Variants in ZNG1B observed in about 807,000 individuals in gnomAD.
ZNG1B encodes the protein Zn regulated GTPase metalloprotein activator 1B.
the ZNG1B span, among the ~76,000 whole-genome samples, chr2:113,463,966 A>C: frequency 6.6e-6 from 1 of 152,204 alleles, no homozygotes; most frequent in Non-Finnish European, 1.5e-5. Context: ...TTCTCTTCAT[A>C]AATCTTGTGT....
chr2:113,487,024 GC>G, the ZNG1B span, among the ~76,000 whole-genome samples: 1 of 147,672 alleles, frequency 6.8e-6, no homozygotes, highest in African/African-American at 2.5e-5. Flanking sequence ...ATTACCTTAT[GC>G]TATAAAAATA....
chr2:113,482,879 CCTCT>C, the ZNG1B span, among the ~76,000 whole-genome samples: 2 of 109,234 alleles, frequency 1.8e-5, no homozygotes, highest in South Asian at 7.3e-4. Flanking sequence ...AATCTTCCTT[CCTCT>C]CTCTCAAGTG....
At chr2:113,451,798 TAA>T in the ZNG1B span, among the ~76,000 whole-genome samples, 64 of 151,418 alleles carry the variant, frequency 4.2e-4, no homozygotes, top group East Asian at 2.3e-3. Flanking sequence ...CATTTCAACT[TAA>T]GAGGCAAATA....
At chr2:113,462,295 C>A in the ZNG1B span, 3 of 1,126,656 alleles carry the variant, frequency 2.7e-6, no homozygotes. Context: ...TATTGATCTA[C>A]ATGAGGCGTT....
At chr2:113,440,637 G>GTT in the ZNG1B span, among the ~76,000 whole-genome samples, 1 of 151,496 alleles carries the variant, frequency 6.6e-6, no homozygotes, top group Non-Finnish European at 1.5e-5. Flanking sequence ...AAAACTTAAT[G>GTT]TATTTCAGAA....
At chr2:113,484,653 TG>T in the ZNG1B span, among the ~76,000 whole-genome samples, 2 of 151,820 alleles carry the variant, frequency 1.3e-5, no homozygotes, top group African/African-American at 4.8e-5. Context: ...TTTTTGTTTT[TG>T]TTTTTTTGGT....
chr2:113,483,771 C>T, the ZNG1B span, among the ~76,000 whole-genome samples: 1 of 151,946 alleles, frequency 6.6e-6, no homozygotes, highest in African/African-American at 2.4e-5. Flanking sequence ...AAATTTCAAA[C>T]GTGCGTAAGA....
At chr2:113,462,560 C>T in the ZNG1B span, 1 of 1,543,716 alleles carries the variant, frequency 6.5e-7, no homozygotes, top group Non-Finnish European at 8.8e-7. Context: ...ATTTTTTACT[C>T]TGATTGTTGC....
chr2:113,446,432 G>A, the ZNG1B span, among the ~76,000 whole-genome samples: 3 of 152,194 alleles, frequency 2.0e-5, no homozygotes, highest in East Asian at 5.8e-4. Flanking sequence ...AAGTTGAAAA[G>A]TAATCATCTC....
the ZNG1B span, among the ~76,000 whole-genome samples, chr2:113,473,176 T>TAGTTCTCCTTGAAG: frequency 6.6e-6 from 1 of 151,868 alleles, no homozygotes; most frequent in South Asian, 2.1e-4. Context: ...CAGTGGTTTG[T>TAGTTCTCCTTGAAG]AGTTCTCCTT....
chr2:113,472,129 A>C, the ZNG1B span, among the ~76,000 whole-genome samples: 1 of 149,458 alleles, frequency 6.7e-6, no homozygotes, highest in South Asian at 2.1e-4. Context: ...ATTTCTCCAC[A>C]TCCTCTCCAG....
the ZNG1B span, among the ~76,000 whole-genome samples, chr2:113,483,447 A>T: frequency 1.3e-5 from 2 of 151,172 alleles, no homozygotes; most frequent in Non-Finnish European, 2.9e-5. Context: ...CAAGAATGAA[A>T]AGCTGCGTTT....
chr2:113,490,843 C>T, the ZNG1B span, among the ~76,000 whole-genome samples: 1 of 136,584 alleles, frequency 7.3e-6, no homozygotes, highest in African/African-American at 2.8e-5. Context: ...AAAAAATTAC[C>T]AACAAAAAAA....
chr2:113,440,863 T>C, the ZNG1B span, among the ~76,000 whole-genome samples: 3 of 143,884 alleles, frequency 2.1e-5, no homozygotes, highest in Non-Finnish European at 4.5e-5. Context: ...GATTGACATA[T>C]TGGGTTTTAT....
At chr2:113,462,360 G>A in the ZNG1B span, 325 of 1,547,718 alleles carry the variant, frequency 2.1e-4, no homozygotes, top group Middle Eastern at 1.2e-3. Flanking sequence ...ATCTGCATGC[G>A]TGTATATTAT....
the ZNG1B span, among the ~76,000 whole-genome samples, chr2:113,439,874 A>ATTTTTT: frequency 4.6e-4 from 32 of 68,892 alleles, 1 homozygote; most frequent in South Asian, 1.8e-3. Flanking sequence ...CCTTCCCTTA[A>ATTTTTT]TTTTTTTTTT....
chr2:113,476,256 A>G, the ZNG1B span, among the ~76,000 whole-genome samples: 2 of 151,930 alleles, frequency 1.3e-5, no homozygotes, highest in Non-Finnish European at 2.9e-5. Context: ...TTCATCGCTG[A>G]TACCCTTTCT....
At chr2:113,470,016 C>A in the ZNG1B span, 6 of 142,094 alleles carry the variant, frequency 4.2e-5, no homozygotes, top group Non-Finnish European at 9.1e-5. Context: ...TCTTTTGAGG[C>A]GGAGTCTCAC....
the ZNG1B span, chr2:113,439,204 G>C: frequency 7.3e-7 from 1 of 1,362,824 alleles, no homozygotes; most frequent in Non-Finnish European, 1.0e-6. Flanking sequence ...TCTAGGGATA[G>C]TTTCACTCCT....
Sources: gnomAD v4.1 joint callset for allele counts (sites outside exome capture counted in the v4.1 genomes callset) on GRCh38, gnomAD v4.1.1 for gene constraint, MANE v1.5 for transcripts, NCBI Gene and HGNC (gene_info 2026-07-23, HGNC 2026-07-21) for gene names.